Variants in MARCHF10 observed in about 807,000 individuals in gnomAD.
The protein encoded by MARCHF10 is membrane associated ring-CH-type finger 10, also known as probable E3 ubiquitin-protein ligase MARCHF10.
MARCHF10 carries 64 observed loss-of-function variants against 76.2 expected under a neutral mutation model. The ratio of observed to expected loss-of-function variants is 0.84; its 90% CI spans 0.69 to 1.03. The LOEUF (loss-of-function observed/expected upper bound fraction) is 1.03, where lower values mean the gene tolerates loss of function less well. Among genes scored for constraint, MARCHF10 ranks in the 50% least tolerant of loss-of-function variants. MARCHF10 has a pLI of 0.00. For missense variants in MARCHF10, 875 were observed against 958.0 expected, an observed-to-expected ratio of 0.91 and a Z score of 1.14; for synonymous variants, 340 against 357.5, an observed-to-expected ratio of 0.95 and a Z score of 0.55.
intron 4 of MARCHF10, among the ~76,000 whole-genome samples, chr17:62,749,382 G>A (rs909121577): frequency 6.6e-6 from 1 of 152,056 alleles, no homozygotes; most frequent in Admixed American, 6.6e-5. Flanking sequence ...CCCTTATCCC[G>A]CCCCACATTA....
chr17:62,706,678 C>T (rs1020039995), intron 9 of MARCHF10, among the ~76,000 whole-genome samples: 5 of 152,158 alleles, frequency 3.3e-5, no homozygotes, highest in Admixed American at 6.5e-5. Flanking sequence ...CGGCCAGCCC[C>T]GGGGCTCCCT....
Position 62,808,248 on chromosome 17 carries a change from C to T in MARCHF10, c.-189G>A, listed in dbSNP as rs1402811741. The stretch of plus-strand genomic sequence containing the variant: ...CCCTACACCTGCCCCTCTTCCTCCT[C>T]CTTCCCCGAGGCTGCTTTCCGCGGC... On this transcript the variant is annotated 5_prime_UTR_variant, in exon 1 of 11. Coordinates refer to ENST00000311269, the MANE Select transcript of MARCHF10 (RefSeq NM_152598.4). 2.6e-5 allele frequency: 4 copies of T among 152,650 alleles called. No homozygotes were observed. Among genetic ancestry groups the T allele is most frequent in the African/African-American group, 9.6e-5 (4 of 41,482 alleles). The allele number at this position is 152,650 out of a possible 1,614,324, so 9.5% of individuals were successfully genotyped here.
chr17:62,785,794 C>T (rs1392137104), intron 3 of MARCHF10, among the ~76,000 whole-genome samples: 2 of 152,176 alleles, frequency 1.3e-5, no homozygotes, highest in African/African-American at 4.8e-5. Flanking sequence ...CATCACTGGT[C>T]ATCAGAGAAA....
Position 62,728,487 on chromosome 17 carries a change from C to T in MARCHF10, c.1938-3383G>A, listed in dbSNP as rs114157946. On this transcript the variant is annotated intron_variant, in intron 6 of 10. Transcript: ENST00000311269. ...ACCCATTCCTTCCTTCATGAAACAA[C>T]TGGGGGCCACCTGTCACATGTGGAA... Among the ~76,000 whole-genome samples the T allele has an allele frequency of 2.9e-3, 447 of 152,254 alleles. 1 individual carries two copies. Among genetic ancestry groups the T allele is most frequent in the African/African-American group, 0.01 (427 of 41,534 alleles).
chr17:62,776,872 T>C (rs965037587), intron 3 of MARCHF10, among the ~76,000 whole-genome samples: 3 of 152,204 alleles, frequency 2.0e-5, no homozygotes, highest in Non-Finnish European at 4.4e-5. Context: ...CCTGGTGTTT[T>C]AAAGAAGCCA....
At chr17:62,710,161 G>A (rs2089837353) in intron 9 of MARCHF10, among the ~76,000 whole-genome samples, 2 of 152,158 alleles carry the variant, frequency 1.3e-5, no homozygotes, top group African/African-American at 4.8e-5. Flanking sequence ...GGTGGCTAAT[G>A]TTGCTTGCAT....
chr17:62,715,350 C>T (rs1351851544), intron 8 of MARCHF10, among the ~76,000 whole-genome samples: 1 of 152,242 alleles, frequency 6.6e-6, no homozygotes, highest in Non-Finnish European at 1.5e-5. Context: ...CGCCCAATGG[C>T]AGGATACCTA....
At chr17:62,741,289 C>T (rs919672359) in intron 5 of MARCHF10, among the ~76,000 whole-genome samples, 1 of 152,086 alleles carries the variant, frequency 6.6e-6, no homozygotes, top group Non-Finnish European at 1.5e-5. Context: ...GATAAATGTC[C>T]TTGCTCATAC....
At chr17:62,805,346 G>A (rs1041371243) in intron 1 of MARCHF10, among the ~76,000 whole-genome samples, 13 of 152,190 alleles carry the variant, frequency 8.5e-5, no homozygotes, top group African/African-American at 3.1e-4. Context: ...TGCTGCTACT[G>A]TGGGAAAGAG....
In MARCHF10 at chr17:62,705,412, C is replaced by G. The variant is rs904563935; in HGVS notation, c.2371+127G>C. 5.7e-6 allele frequency: 9 copies of G among 1,574,608 alleles called. No homozygotes were observed. In the East Asian group the frequency reaches 2.1e-4, roughly 36 times the overall value. Reference sequence around the variant, plus strand: ...CTGCGGCTGACTTTCCCAAGCTTTGCGGGGTTATTTTTGCCTCTGGGTGGT... The same window carrying G: ...CTGCGGCTGACTTTCCCAAGCTTTGGGGGGTTATTTTTGCCTCTGGGTGGT... On this transcript the variant is annotated intron_variant, in intron 10 of 10. Transcript: ENST00000311269.
chr17:62,777,065 C>T (rs529768379), intron 3 of MARCHF10, among the ~76,000 whole-genome samples: 10 of 152,202 alleles, frequency 6.6e-5, no homozygotes, highest in Non-Finnish European at 1.2e-4. Flanking sequence ...TCATTTCAAG[C>T]CAGGTCATGG....
chr17:62,793,541 C>CCTCCAT, intron 2 of MARCHF10, among the ~76,000 whole-genome samples: 2 of 138,674 alleles, frequency 1.4e-5, no homozygotes, highest in African/African-American at 5.4e-5. Flanking sequence ...ACCACCACCA[C>CCTCCAT]CACCTCCACT....
intron 3 of MARCHF10, among the ~76,000 whole-genome samples, chr17:62,786,875 G>A (rs967338371): frequency 5.3e-5 from 8 of 152,142 alleles, no homozygotes; most frequent in Admixed American, 2.6e-4. Flanking sequence ...CCCTGCAGAG[G>A]CACCCAGATG....
intron 4 of MARCHF10, chr17:62,746,897 C>A: frequency 1.3e-6 from 2 of 1,536,122 alleles, no homozygotes; most frequent in African/African-American, 1.4e-5. Flanking sequence ...GCTCATGGGA[C>A]CTTTCTTCCC....
intron 3 of MARCHF10, among the ~76,000 whole-genome samples, chr17:62,781,756 C>T (rs145828430): frequency 1.9e-4 from 29 of 152,240 alleles, no homozygotes; most frequent in African/African-American, 7.0e-4. Flanking sequence ...GTAAATGCCT[C>T]GTTCGTTCCA....
chr17:62,787,748 GGATAGATA>G (rs539550748), intron 3 of MARCHF10, among the ~76,000 whole-genome samples: 12 of 151,610 alleles, frequency 7.9e-5, no homozygotes, highest in Admixed American at 1.3e-4. Context: ...AAAGATGGAT[GGATAGATA>G]GATAGATAGA....
intron 9 of MARCHF10, among the ~76,000 whole-genome samples, chr17:62,708,347 G>A (rs757022824): frequency 1.3e-5 from 2 of 151,510 alleles, no homozygotes; most frequent in African/African-American, 2.4e-5. Flanking sequence ...CCGGGTTCAC[G>A]CCATTCTCCT....
Position 62,745,787 on chromosome 17 carries a change from T to C in MARCHF10, c.383-1259A>G, listed in dbSNP as rs562505297. Among the ~76,000 whole-genome samples, 27 of 152,242 alleles carry C rather than the reference T, an allele frequency of 1.8e-4. 1 individual carries two copies. The highest frequency in any genetic ancestry group is 6.2e-4 in the South Asian group (3 of 4,832). On this transcript the variant is annotated intron_variant, in intron 4 of 10. Transcript: ENST00000311269. ...AATTGATACAGTTTTGAGTTTCCTC[T>C]TCACATGTATTTAGCGTCAGTGCAC...
At chr17:62,768,417 G>A (rs967537487) in intron 3 of MARCHF10, among the ~76,000 whole-genome samples, 2 of 152,220 alleles carry the variant, frequency 1.3e-5, no homozygotes, top group Non-Finnish European at 2.9e-5. Context: ...CTACTTGGGA[G>A]GCTGAGGCAG....
Sources: gnomAD v4.1 joint callset for allele counts (sites outside exome capture counted in the v4.1 genomes callset) on GRCh38, gnomAD v4.1.1 for gene constraint, MANE v1.5 for transcripts, NCBI Gene and HGNC (gene_info 2026-07-23, HGNC 2026-07-21) for gene names.